Variants in MAP3K13 observed in about 807,000 individuals in gnomAD.
The protein encoded by MAP3K13 is mitogen-activated protein kinase kinase kinase 13.
Under a neutral mutation model 104.0 loss-of-function variants are expected in MAP3K13, and 52 were observed. That is an observed-to-expected ratio of 0.50 (90% CI 0.40 to 0.63). The LOEUF is 0.63. MAP3K13 is among the 20% of genes least tolerant of loss of function. The pLI, the probability that MAP3K13 is intolerant of heterozygous loss-of-function variation, is 0.00. For synonymous variants in MAP3K13, 394 were observed against 442.2 expected, an observed-to-expected ratio of 0.89 and a Z score of 1.37; for missense variants, 914 against 1,218.5, an observed-to-expected ratio of 0.75 and a Z score of 3.72.
At chr3:185,433,586 A>G (rs1426198754) in intron 2 of MAP3K13, among the ~76,000 whole-genome samples, 1 of 152,168 alleles carries the variant, frequency 6.6e-6, no homozygotes, top group African/African-American at 2.4e-5. Context: ...AATCGATTTT[A>G]CTTCTGATAA....
intron 7 of MAP3K13, among the ~76,000 whole-genome samples, chr3:185,457,211 A>G (rs1238384931): frequency 6.6e-6 from 1 of 152,182 alleles, no homozygotes; most frequent in East Asian, 1.9e-4. Flanking sequence ...CTGAACTCAG[A>G]AAAGGTTGTC....
rs983755259 is a variant in MAP3K13, at chr3:185,486,235, G to A, written c.*3779G>A. ...AATTCTCATCTTGATTATCTGTTAT[G>A]CTATTGTCATCATACACCTTATGTG... is the stretch of plus-strand genomic sequence containing the variant. On this transcript the variant is annotated 3_prime_UTR_variant, in exon 14 of 14. Coordinates refer to ENST00000265026, the MANE Select transcript of MAP3K13 (RefSeq NM_004721.5). 1.3e-5 allele frequency: 2 copies of A among 152,110 alleles called. No individual in the cohort carries two copies. The highest frequency in any genetic ancestry group is 6.5e-5 in the Admixed American group (1 of 15,282). The allele number at this position is 152,110 out of a possible 1,614,324, so 9.4% of individuals were successfully genotyped here. A position where few individuals can be genotyped will look rare whatever the true frequency, so the allele number is the denominator to read the frequency against.
chr3:185,310,955 T>C (rs1721476307), intron 2 of MAP3K13, among the ~76,000 whole-genome samples: 1 of 152,168 alleles, frequency 6.6e-6, no homozygotes, highest in Non-Finnish European at 1.5e-5. Context: ...CCAGAACACA[T>C]CCAGGCTCTA....
At chr3:185,395,358 T>TTTCTTTTTTTC (rs1491428919) in intron 1 of MAP3K13, among the ~76,000 whole-genome samples, 19 of 4,136 alleles carry the variant, frequency 4.6e-3, no homozygotes, top group Non-Finnish European at 6.2e-3. Context: ...ATATTATTTC[T>TTTCTTTTTTTC]TTTTTTTTTT....
At chr3:185,447,215 G>A (rs1390892508) in intron 4 of MAP3K13, among the ~76,000 whole-genome samples, 1 of 152,078 alleles carries the variant, frequency 6.6e-6, no homozygotes, top group Non-Finnish European at 1.5e-5. Context: ...GTAAGGCCGG[G>A]TGCAGTGGCT....
At chr3:185,467,219 G>A (rs1463840978) in intron 10 of MAP3K13, among the ~76,000 whole-genome samples, 1 of 152,180 alleles carries the variant, frequency 6.6e-6, no homozygotes, top group Non-Finnish European at 1.5e-5. Context: ...AGACAGACCT[G>A]GATGCAAATC....
At chr3:185,354,345 G>A (rs1723260679) in intron 2 of MAP3K13, among the ~76,000 whole-genome samples, 1 of 150,492 alleles carries the variant, frequency 6.6e-6, no homozygotes, top group South Asian at 2.1e-4. Flanking sequence ...CCGGGGCAAC[G>A]GCAATCCAAG....
chr3:185,287,371 G>A lies in MAP3K13; in HGVS notation c.-86+1728G>A, dbSNP rs573300159. 6.6e-5 allele frequency among the ~76,000 whole-genome samples: 10 copies of A among 152,204 alleles called. 1 individual carries two copies. The highest frequency in any genetic ancestry group is 4.1e-4 in the South Asian group (2 of 4,820). On this transcript the variant is annotated intron_variant, in intron 2 of 14. Transcript: ENST00000424227. ...GTTTAGAACTGGCTTAAGGCATTTC[G>A]AAGAATAGCTTGTTCTGTTAGTAAA...
chr3:185,435,857 A>G (rs573981268), intron 2 of MAP3K13, among the ~76,000 whole-genome samples: 18 of 152,356 alleles, frequency 1.2e-4, no homozygotes, highest in African/African-American at 4.3e-4. Flanking sequence ...TGTTTCATCA[A>G]TGCAGTGGAT....
At chr3:185,404,726 G>C (rs984396468) in intron 1 of MAP3K13, among the ~76,000 whole-genome samples, 1 of 151,998 alleles carries the variant, frequency 6.6e-6, no homozygotes, top group Non-Finnish European at 1.5e-5. Context: ...ACAGGTGCCC[G>C]CCACCACGCC....
intron 1 of MAP3K13, among the ~76,000 whole-genome samples, chr3:185,413,746 C>T (rs34906806): frequency 0.23 from 34,216 of 151,950 alleles, 4,288 homozygotes; most frequent in African/African-American, 0.34. Flanking sequence ...CATTTGAACC[C>T]GGGAGGCAGA....
chr3:185,308,008 T>A (rs1333557569), intron 2 of MAP3K13, among the ~76,000 whole-genome samples: 2 of 106,948 alleles, frequency 1.9e-5, no homozygotes, highest in Non-Finnish European at 4.0e-5. Context: ...TTCTTTGGGG[T>A]CTTTTTTTTT....
chr3:185,288,540 G>GTA (rs140801777), intron 2 of MAP3K13, among the ~76,000 whole-genome samples: 13 of 140,204 alleles, frequency 9.3e-5, no homozygotes, highest in Admixed American at 2.2e-4. Context: ...GTGTTTGTGT[G>GTA]TATATATATA....
intron 2 of MAP3K13, among the ~76,000 whole-genome samples, chr3:185,285,867 C>T (rs148060349): frequency 1.1e-3 from 170 of 152,164 alleles, no homozygotes; most frequent in African/African-American, 3.9e-3. Context: ...TTATATTGTT[C>T]CTGGAAGGCT....
chr3:185,362,289 A>G (rs1393345277), upstream of MAP3K13, among the ~76,000 whole-genome samples: 1 of 152,216 alleles, frequency 6.6e-6, no homozygotes, highest in Non-Finnish European at 1.5e-5. Flanking sequence ...GTATAACTGA[A>G]AAGTGTAAAA....
chr3:185,387,472 G>A (rs1711763201), intron 1 of MAP3K13, among the ~76,000 whole-genome samples: 1 of 152,040 alleles, frequency 6.6e-6, no homozygotes, highest in African/African-American at 2.4e-5. Flanking sequence ...TGAACTTTTT[G>A]AGGCATCAGA....
At chr3:185,391,132 ATGT>A (rs1423019580) in intron 1 of MAP3K13, among the ~76,000 whole-genome samples, 1 of 152,108 alleles carries the variant, frequency 6.6e-6, no homozygotes, top group East Asian at 1.9e-4. Flanking sequence ...AAGTACATTG[ATGT>A]TGTTGTGCAA....
chr3:185,430,157 C>T (rs1714662387), intron 2 of MAP3K13, among the ~76,000 whole-genome samples: 1 of 151,940 alleles, frequency 6.6e-6, no homozygotes, highest in Non-Finnish European at 1.5e-5. Context: ...GATCGTGCCA[C>T]TGCATTCCAG....
At chr3:185,290,014 A>G (rs1720673359) in intron 2 of MAP3K13, among the ~76,000 whole-genome samples, 1 of 152,300 alleles carries the variant, frequency 6.6e-6, no homozygotes, top group African/African-American at 2.4e-5. Context: ...AATTTCCTCA[A>G]CTGTAAAAAG....
Sources: allele counts gnomAD v4.1 joint callset (sites outside exome capture counted in the v4.1 genomes callset), GRCh38; gene constraint gnomAD v4.1.1; transcripts MANE v1.5; gene names NCBI Gene and HGNC (gene_info 2026-07-23, HGNC 2026-07-21).